Variants in SIK3 observed in about 807,000 individuals in gnomAD.
SIK3 encodes the protein serine/threonine-protein kinase SIK3.
In SIK3, 28 loss-of-function variants were observed where a neutral mutation model predicts 144.2. The ratio of observed to expected loss-of-function variants is 0.19; its 90% CI spans 0.14 to 0.27. The LOEUF is 0.27. Among genes scored for constraint, SIK3 ranks in the 10% least tolerant of loss-of-function variants. The pLI is 1.00. For missense variants in SIK3, 1,319 were observed against 1,776.0 expected (o/e 0.74, Z 4.62); for synonymous variants, 686 against 676.3 (o/e 1.01, Z -0.22).
intron 6 of SIK3, among the ~76,000 whole-genome samples, chr11:116,885,663 T>C (rs1292127750): frequency 6.6e-6 from 1 of 152,238 alleles, no homozygotes; most frequent in Admixed American, 6.5e-5. Flanking sequence ...GTAATCCCGA[T>C]GCAGACAAAT....
chr11:117,031,596 A>C (rs1027477100), intron 1 of SIK3, among the ~76,000 whole-genome samples: 1 of 150,020 alleles, frequency 6.7e-6, no homozygotes, highest in Non-Finnish European at 1.5e-5. Context: ...ATCTTGGCTC[A>C]CTGCAACCTC....
chr11:116,948,721 T>G (rs1448360560), intron 3 of SIK3, among the ~76,000 whole-genome samples: 5 of 152,194 alleles, frequency 3.3e-5, no homozygotes, highest in Non-Finnish European at 1.5e-5. Flanking sequence ...AAGAACTATC[T>G]TTTGGTTTCA....
At chr11:116,962,313 C>A (rs536228343) in intron 1 of SIK3, among the ~76,000 whole-genome samples, 1 of 152,268 alleles carries the variant, frequency 6.6e-6, no homozygotes, top group South Asian at 2.1e-4. Context: ...ATCACAAGGG[C>A]TCAAATTCTT....
At chr11:116,982,972 TC>T in intron 1 of SIK3, among the ~76,000 whole-genome samples, 3 of 136,388 alleles carry the variant, frequency 2.2e-5, no homozygotes, top group Admixed American at 7.5e-5. Context: ...AAAAAAAATT[TC>T]TGACCCGAGG....
intron 1 of SIK3, among the ~76,000 whole-genome samples, chr11:117,012,657 C>T (rs1045678257): frequency 6.6e-5 from 10 of 152,130 alleles, no homozygotes; most frequent in Non-Finnish European, 1.0e-4. Context: ...TCAATCCTAG[C>T]TCACCCTGGT....
chr11:116,865,945 A>C (rs1943608241), intron 15 of SIK3, among the ~76,000 whole-genome samples: 1 of 152,162 alleles, frequency 6.6e-6, no homozygotes, highest in African/African-American at 2.4e-5. Context: ...CTCATAAAAC[A>C]TCATTTTCTT....
intron 4 of SIK3, among the ~76,000 whole-genome samples, chr11:116,917,380 A>G (rs1444395497): frequency 6.6e-6 from 1 of 152,198 alleles, no homozygotes; most frequent in African/African-American, 2.4e-5. Context: ...AATGGATAGA[A>G]TATCAATGTT....
chr11:117,013,248 T>G lies in SIK3; in HGVS notation c.274-56184A>C, dbSNP rs1164187236. 2.0e-5 allele frequency among the ~76,000 whole-genome samples: 3 copies of G among 152,122 alleles called. No individual in the cohort carries two copies. The East Asian group carries it at 5.8e-4, about 29-fold the overall frequency. ...GCTCACGCCTGTAATCCCACCACTT[T>G]GGGAGGCCAAAGTGGGCAAATCACC... On this transcript the variant is annotated intron_variant, in intron 1 of 24. Coordinates refer to ENST00000445177, the MANE Select transcript of SIK3 (RefSeq NM_001366686.3).
chr11:116,936,346 T>C (rs1947920412), intron 3 of SIK3, among the ~76,000 whole-genome samples: 1 of 152,130 alleles, frequency 6.6e-6, no homozygotes, highest in Non-Finnish European at 1.5e-5. Context: ...CAGCTAATTT[T>C]TGTATTTTTA....
Position 116,846,880 on chromosome 11 carries a change from A to AT in SIK3, c.3953-328dup, listed in dbSNP as rs771103154. Among the ~76,000 whole-genome samples the AT allele has an allele frequency of 2.0e-5, 3 of 152,244 alleles. No individual in the cohort carries two copies. The highest frequency in any genetic ancestry group is 3.8e-4 in the East Asian group (2 of 5,204). Reference sequence around the variant, plus strand: ...CACCTCTTAAAGAGTGAAAGGGAGAATAATTTTACTGCCTGCAGGCACCCA... The same window carrying AT: ...CACCTCTTAAAGAGTGAAAGGGAGAATTAATTTTACTGCCTGCAGGCACCCA... On this transcript the variant is annotated intron_variant, in intron 23 of 24. Coordinates refer to ENST00000445177, the MANE Select transcript of SIK3 (RefSeq NM_001366686.3). The surrounding 1 kb of genome is among the most constrained non-coding windows in gnomAD (Gnocchi z 4.1).
chr11:117,018,937 C>A (rs1951650496), intron 1 of SIK3, among the ~76,000 whole-genome samples: 1 of 152,006 alleles, frequency 6.6e-6, no homozygotes, highest in Non-Finnish European at 1.5e-5. Context: ...GTCTTGAACT[C>A]CTGACCTTAG....
chr11:117,074,562 C>G (rs899453967), intron 1 of SIK3, among the ~76,000 whole-genome samples: 23 of 152,182 alleles, frequency 1.5e-4, no homozygotes, highest in Non-Finnish European at 2.9e-5. Context: ...ACAATATTTA[C>G]TTGTCAATAT....
At chr11:116,990,261 A>G (rs549017518) in intron 1 of SIK3, among the ~76,000 whole-genome samples, 1 of 152,302 alleles carries the variant, frequency 6.6e-6, no homozygotes, top group African/African-American at 2.4e-5. Flanking sequence ...CAAAGGTGAG[A>G]ACTTTCCTGA....
chr11:116,980,203 T>A (rs1950090289), intron 1 of SIK3, among the ~76,000 whole-genome samples: 1 of 152,178 alleles, frequency 6.6e-6, no homozygotes, highest in Admixed American at 6.5e-5. Flanking sequence ...CATAGCCTGG[T>A]CCACCTTAAA....
intron 1 of SIK3, among the ~76,000 whole-genome samples, chr11:116,968,904 T>C (rs1451064137): frequency 1.3e-5 from 2 of 152,200 alleles, no homozygotes; most frequent in East Asian, 3.9e-4. Context: ...TTATGTCTTA[T>C]GACAATACTA....
At chr11:117,049,515 T>C (rs376256778) in intron 1 of SIK3, among the ~76,000 whole-genome samples, 2 of 151,796 alleles carry the variant, frequency 1.3e-5, no homozygotes, top group Non-Finnish European at 1.5e-5. Context: ...AAGGCAGAGA[T>C]TGCAGTAAGC....
In SIK3 at chr11:116,927,018, C is replaced by CG. The variant is rs1555099084; in HGVS notation, c.616+200dup. Among the ~76,000 whole-genome samples, 7 of 113,770 alleles carry CG rather than the reference C, an allele frequency of 6.2e-5. No individual in the cohort carries two copies. In the South Asian group the frequency reaches 9.1e-4, roughly 15 times the overall value. The allele number at this position is 113,770 out of a possible 152,430, so 74.6% of individuals were successfully genotyped here. Reference sequence around the variant, plus strand: ...CCTGGGCGACAATGAGACTCAGTCTCGAAAAAAAAAAAAAAAGGGCAGGGG... The same window carrying CG: ...CCTGGGCGACAATGAGACTCAGTCTCGGAAAAAAAAAAAAAAAGGGCAGGGG... On this transcript the variant is annotated intron_variant, in intron 4 of 24. Transcript: ENST00000445177.
intron 1 of SIK3, among the ~76,000 whole-genome samples, chr11:117,020,246 T>TATATATATATATATATATATATATAC: frequency 3.1e-5 from 4 of 127,298 alleles, no homozygotes; most frequent in African/African-American, 1.0e-4. Context: ...CATATATATA[T>TATATATATATATATATATATATATAC]ACACATACAT....
chr11:117,013,906 G>GT lies in SIK3; in HGVS notation c.274-56843_274-56842insA, dbSNP rs1565556590. On this transcript the variant is annotated intron_variant, in intron 1 of 24. Coordinates refer to ENST00000445177, the MANE Select transcript of SIK3 (RefSeq NM_001366686.3). Reference sequence around the variant, plus strand: ...ATAAGTCTCCAGATTCTGAGGGGGGGGGGGGGAGGGTGTGTGTGTGTGTGT... The same window carrying GT: ...ATAAGTCTCCAGATTCTGAGGGGGGGTGGGGGGAGGGTGTGTGTGTGTGTGT... Among the ~76,000 whole-genome samples the GT allele has an allele frequency of 9.5e-4, 59 of 62,250 alleles. 2 individuals are homozygous for GT. Among genetic ancestry groups the GT allele is most frequent in the African/African-American group, 2.6e-3 (44 of 17,250 alleles). 40.8% of individuals were successfully genotyped at this position (62,250 alleles called of 152,430 possible).
Sources: gnomAD v4.1 joint callset for allele counts (sites outside exome capture counted in the v4.1 genomes callset) on GRCh38, gnomAD v4.1.1 for gene constraint, Gnocchi (gnomAD v3.1) non-coding constraint, MANE v1.5 for transcripts, NCBI Gene and HGNC (gene_info 2026-07-23, HGNC 2026-07-21) for gene names.